Variants in FGF8 observed in about 807,000 individuals in gnomAD.
FGF8 encodes fibroblast growth factor 8, also known as androgen-induced growth factor.
A neutral mutation model predicts 29.7 loss-of-function variants in FGF8; 12 were observed. That is an observed-to-expected ratio of 0.40 (90% CI 0.26 to 0.65). The LOEUF (loss-of-function observed/expected upper bound fraction) is 0.65, where lower values mean the gene tolerates loss of function less well. FGF8 is among the 30% of genes least tolerant of loss of function. The pLI is 0.37. For missense variants in FGF8, 271 were observed against 345.1 expected (o/e 0.79, Z 1.70); for synonymous variants, 157 against 144.4 (o/e 1.09, Z -0.63).
upstream of FGF8, among the ~76,000 whole-genome samples, chr10:101,777,758 G>A (rs555469699): frequency 2.1e-4 from 32 of 152,328 alleles, no homozygotes; most frequent in African/African-American, 7.5e-4. Context: ...TTAAGAGTTC[G>A]TTGAATGAAT....
At chr10:101,777,260 T>C (rs1206535845), upstream of FGF8, among the ~76,000 whole-genome samples, 1 of 152,146 alleles carries the variant, frequency 6.6e-6, no homozygotes, top group Non-Finnish European at 1.5e-5. Flanking sequence ...GGGAGCAGCC[T>C]GGGTGGACAG....
At position 101,772,391 on chromosome 10, in the gene FGF8, C is replaced by T. The variant is rs190438147; in HGVS notation, c.338-822G>A. Among the ~76,000 whole-genome samples the T allele has an allele frequency of 3.2e-4, 49 of 152,328 alleles. No individual in the cohort carries two copies. Among genetic ancestry groups the T allele is most frequent in the African/African-American group, 1.1e-3 (46 of 41,578 alleles). ...CTGTGGGTGAGGAGGAGGGAGAATC[C>T]TGCCTGCTGGCCTCTTAGACTGGAG... is the stretch of plus-strand genomic sequence containing the variant. On this transcript the variant is annotated intron_variant, in intron 4 of 5. Transcript: ENST00000320185. The surrounding 1 kb of genome is among the most constrained non-coding windows in gnomAD (Gnocchi z 4.4).
upstream of FGF8, among the ~76,000 whole-genome samples, chr10:101,776,269 G>A (rs1378875265): frequency 7.1e-6 from 1 of 139,932 alleles, no homozygotes; most frequent in Non-Finnish European, 1.6e-5. Flanking sequence ...GCTGGGAACT[G>A]GGGCCTGGAT....
In FGF8 at chr10:101,771,624, C is replaced by T; in HGVS notation, c.338-55G>A. 1 of 1,420,130 alleles carries T rather than the reference C, an allele frequency of 7.0e-7. No individual in the cohort carries two copies. The highest frequency in any genetic ancestry group is 9.9e-7 in the Non-Finnish European group (1 of 1,006,098). The allele number at this position is 1,420,130 out of a possible 1,614,324, so 88.0% of individuals were successfully genotyped here. A position where few individuals can be genotyped will look rare whatever the true frequency, so the allele number is the denominator to read the frequency against. On this transcript the variant is annotated intron_variant, in intron 4 of 5. Coordinates refer to ENST00000320185, the MANE Select transcript of FGF8 (RefSeq NM_033163.5). The surrounding 1 kb of genome is among the most constrained non-coding windows in gnomAD (Gnocchi z 5.3). ...GGCAGATCCCTGACCCCAGCTGGCC[C>T]ACACACTTGTCACAGCCCAGCAGCA...
upstream of FGF8, among the ~76,000 whole-genome samples, chr10:101,777,650 T>G (rs1337259942): frequency 2.0e-5 from 3 of 152,262 alleles, no homozygotes; most frequent in Non-Finnish European, 4.4e-5. Flanking sequence ...GTCTGTTCAG[T>G]GGGCTCTTGC....
At chr10:101,777,649 G>C (rs368575997), upstream of FGF8, among the ~76,000 whole-genome samples, 1 of 152,264 alleles carries the variant, frequency 6.6e-6, no homozygotes. Context: ...AGTCTGTTCA[G>C]TGGGCTCTTG....
chr10:101,773,456 C>G (rs1489608142), intron 4 of FGF8, among the ~76,000 whole-genome samples: 1 of 151,842 alleles, frequency 6.6e-6, no homozygotes, highest in African/African-American at 2.4e-5. Flanking sequence ...GCCCCCACCC[C>G]CACCCCAGAA....
rs2065075471 is a variant in FGF8 at position 101,775,376 on chromosome 10, G to T, written c.70-160C>A. Among the ~76,000 whole-genome samples, 1 of 152,042 alleles carries T rather than the reference G, an allele frequency of 6.6e-6. No homozygotes were observed. Among genetic ancestry groups the T allele is most frequent in the African/African-American group, 2.4e-5 (1 of 41,422 alleles). ...AGCCTCCCCCGAGGGGCGCTGAGAG[G>T]GTCTCTGCTGCAGTCACCCGGCTTC... On this transcript the variant is annotated intron_variant, in intron 2 of 5. Coordinates refer to ENST00000320185, the MANE Select transcript of FGF8 (RefSeq NM_033163.5). This position sits in a 1 kb window ranked among gnomAD's most constrained non-coding sequence, Gnocchi z 4.6.
At chr10:101,776,682 C>T (rs1260712434), upstream of FGF8, among the ~76,000 whole-genome samples, 1 of 152,110 alleles carries the variant, frequency 6.6e-6, no homozygotes, top group Non-Finnish European at 1.5e-5. Flanking sequence ...ACCCGGCCCT[C>T]GCGCAGTGCG....
chr10:101,777,660 C>T (rs941157048), upstream of FGF8, among the ~76,000 whole-genome samples: 12 of 152,224 alleles, frequency 7.9e-5, no homozygotes, highest in Non-Finnish European at 1.3e-4. Flanking sequence ...TGGGCTCTTG[C>T]CCACACAGAC....
In FGF8 at chr10:101,770,743, C is replaced by T. The variant is rs1234085195; in HGVS notation, c.445-124G>A. Reference sequence around the variant, plus strand: ...GAGGTGGGCAGGAGCCGCAGCCCCACCCCCTGCCTGGGCACCCGCTCTCTA... The same window carrying T: ...GAGGTGGGCAGGAGCCGCAGCCCCATCCCCTGCCTGGGCACCCGCTCTCTA... On this transcript the variant is annotated intron_variant, in intron 5 of 5. Transcript: ENST00000320185. The T allele has an allele frequency of 3.7e-6, 4 of 1,070,542 alleles. No homozygotes were observed. In the African/African-American group the frequency reaches 4.7e-5, roughly 12 times the overall value. The allele number at this position is 1,070,542 out of a possible 1,614,324, so 66.3% of individuals were successfully genotyped here. A position where few individuals can be genotyped will look rare whatever the true frequency, so the allele number is the denominator to read the frequency against.
At chr10:101,777,465 T>TC (rs1409194431), upstream of FGF8, among the ~76,000 whole-genome samples, 1 of 152,134 alleles carries the variant, frequency 6.6e-6, no homozygotes, top group African/African-American at 2.4e-5. Flanking sequence ...AGGCCCTGCC[T>TC]CCCTCCCTGC....
Position 101,774,808 on chromosome 10 carries a change from G to A in FGF8, c.261C>T (p.Ser87=). 6.2e-7 allele frequency: 1 copy of A among 1,613,148 alleles called. No individual in the cohort carries two copies. Among genetic ancestry groups the A allele is most frequent in the East Asian group, 2.2e-5 (1 of 44,882 alleles). Residue 87 remains serine (S), a synonymous_variant, in exon 4 of 6, where the codon AGC becomes AGT. Transcript: ENST00000320185. ...RRLIRTYQLY[S]RTSGKHVQVL... The stretch of plus-strand genomic sequence containing the variant: ...CCTGCACGTGCTTCCCGCTGGTGCG[G>A]CTGTAGAGTTGGTAGGTCCGGATGA...
upstream of FGF8, among the ~76,000 whole-genome samples, chr10:101,778,456 G>GA (rs1263909043): frequency 6.6e-6 from 1 of 152,232 alleles, no homozygotes; most frequent in Non-Finnish European, 1.5e-5. Flanking sequence ...AGAAGATTCT[G>GA]AGGGCCCTGG....
intron 4 of FGF8, 151 bp downstream of exon 4, chr10:101,774,581 A>G (rs1390435041): frequency 1.5e-6 from 1 of 659,376 alleles, no homozygotes; most frequent in African/African-American, 1.8e-5. Flanking sequence ...CCCCTTCCCT[A>G]GCCCTCTCTT....
intron 4 of FGF8, 122 bp downstream of exon 4, chr10:101,774,610 A>G: frequency 2.4e-6 from 2 of 818,782 alleles, no homozygotes; most frequent in South Asian, 1.6e-5. Context: ...GACCCTCAAG[A>G]CACCTTTCTG....
chr10:101,775,241 T>G lies in FGF8; in HGVS notation c.70-25A>C. On this transcript the variant is annotated intron_variant, in intron 2 of 5. Coordinates refer to ENST00000320185, the MANE Select transcript of FGF8 (RefSeq NM_033163.5). The surrounding 1 kb of genome is among the most constrained non-coding windows in gnomAD (Gnocchi z 4.6). ...CCTAGAGGAGCAGGGCGCTTTTAAG[T>G]AGGGAGGCAGCCCTCCCCGACCCCT... is the stretch of plus-strand genomic sequence containing the variant. 6.7e-7 allele frequency: 1 copy of G among 1,490,812 alleles called. No homozygotes were observed. The highest frequency in any genetic ancestry group is 9.1e-7 in the Non-Finnish European group (1 of 1,096,040). 92.3% of individuals were successfully genotyped at this position (1,490,812 alleles called of 1,614,324 possible).
At chr10:101,779,237 G>A (rs1330635416), upstream of FGF8, among the ~76,000 whole-genome samples, 1 of 152,220 alleles carries the variant, frequency 6.6e-6, no homozygotes, top group African/African-American at 2.4e-5. This position sits in a 1 kb window ranked among gnomAD's most constrained non-coding sequence, Gnocchi z 5.7. Context: ...CGTTCAAAGC[G>A]CCGCGGACTC....
At chr10:101,776,458 A>G (rs1264964497), upstream of FGF8, among the ~76,000 whole-genome samples, 1 of 149,670 alleles carries the variant, frequency 6.7e-6, no homozygotes, top group South Asian at 2.1e-4. Flanking sequence ...ACGCGCGGGG[A>G]TGGGGGCGCC....
Sources: allele counts gnomAD v4.1 joint callset (sites outside exome capture counted in the v4.1 genomes callset), GRCh38; gene constraint gnomAD v4.1.1; non-coding constraint Gnocchi (gnomAD v3.1); transcripts MANE v1.5; gene names NCBI Gene and HGNC (gene_info 2026-07-23, HGNC 2026-07-21).